EPHA10: variants seen among roughly 807,000 people sequenced by gnomAD.
The protein encoded by EPHA10 is EPH receptor A10.
EPHA10 carries 120 observed loss-of-function variants against 109.7 expected under a neutral mutation model. The ratio of observed to expected loss-of-function variants is 1.09; its 90% confidence interval spans 0.94 to 1.27. EPHA10 has a LOEUF of 1.27. Among genes scored for constraint, EPHA10 ranks in the 50% most tolerant of loss-of-function variants. EPHA10 has a pLI of 0.00. For synonymous variants in EPHA10, 640 were observed against 618.9 expected, an observed-to-expected ratio of 1.03 and a Z score of -0.51; for missense variants, 1,396 against 1,411.1, an observed-to-expected ratio of 0.99 and a Z score of 0.17.
intron 5 of EPHA10, among the ~76,000 whole-genome samples, chr1:37,748,452 G>A (rs1199994086): frequency 6.6e-6 from 1 of 152,178 alleles, no homozygotes; most frequent in Non-Finnish European, 1.5e-5. Context: ...CAAAGAATAT[G>A]TAAATGTGTT....
chr1:37,758,629 C>A (rs1332082596), intron 3 of EPHA10, among the ~76,000 whole-genome samples: 6 of 152,158 alleles, frequency 3.9e-5, no homozygotes, highest in Non-Finnish European at 7.3e-5. Context: ...ATACTCTGAT[C>A]ACTCCCTCTC....
At chr1:37,739,997 G>C (rs1646128920) in intron 5 of EPHA10, among the ~76,000 whole-genome samples, 1 of 152,024 alleles carries the variant, frequency 6.6e-6, no homozygotes, top group Non-Finnish European at 1.5e-5. Context: ...GGGAGGCTGA[G>C]ACAGGAGGCT....
intron 5 of EPHA10, among the ~76,000 whole-genome samples, chr1:37,750,817 AC>A (rs1472930891): frequency 6.6e-6 from 1 of 152,048 alleles, no homozygotes. Flanking sequence ...AAGTGCTCAG[AC>A]TAAGGGCATG....
At chr1:37,723,937 C>A (rs541041021) in intron 8 of EPHA10, among the ~76,000 whole-genome samples, 1 of 152,232 alleles carries the variant, frequency 6.6e-6, no homozygotes, top group East Asian at 1.9e-4. Context: ...AGCCACAGGC[C>A]GGTACTTGGG....
rs752904524 is a variant in EPHA10 at position 37,719,931 on chromosome 1, T to A, written c.2540A>T (p.Tyr847Phe). The A allele has an allele frequency of 6.2e-7, 1 of 1,613,954 alleles. No individual in the cohort carries two copies. The highest frequency in any genetic ancestry group is 8.5e-7 in the Non-Finnish European group (1 of 1,180,006). ...WEVMAFGERP[Y>F]WDMSGQDVIK... ...CACGTCTTGGCCAGACATGTCCCAG[T>A]AAGGCCGCTCCCCAAAGGCCATCAC... is the stretch of plus-strand genomic sequence containing the variant. The change falls in exon 14 of 17, where the codon TAC (tyrosine) becomes TTC (phenylalanine). Residue 847 changes from tyrosine to phenylalanine, a missense_variant. Tyr to Phe is a conservative substitution (Grantham distance 22). Coordinates refer to ENST00000373048, the MANE Select transcript of EPHA10 (RefSeq NM_001099439.2).
At chr1:37,746,101 CT>C (rs111763214) in intron 5 of EPHA10, among the ~76,000 whole-genome samples, 86 of 127,410 alleles carry the variant, frequency 6.7e-4, no homozygotes, top group Non-Finnish European at 7.0e-4. Flanking sequence ...CTTTTCTTTT[CT>C]TTTTTTTTTT....
rs1645782374 is a variant in EPHA10 at position 37,720,904 on chromosome 1, A to C, written c.2147-60T>G. ...GTCCACTCCACTCCGCACGCACACAAGTTTCCCCCCCAGGGTCCCAGACTG... is the reference window on the plus strand; with the variant it reads ...GTCCACTCCACTCCGCACGCACACACGTTTCCCCCCCAGGGTCCCAGACTG... On this transcript the variant is annotated intron_variant, in intron 11 of 16. Transcript: ENST00000373048. 6 of 1,570,732 alleles carry C rather than the reference A, an allele frequency of 3.8e-6. No individual in the cohort carries two copies. In the Admixed American group the frequency reaches 1.0e-4, roughly 26 times the overall value.
Position 37,718,040 on chromosome 1 carries a change from C to A in EPHA10, c.*332G>T. ...GGTACAAATGGCAGTAGGGCATGAGCCAGGGCAATCTCAACCCACTGTCTT... is the reference window on the plus strand; with the variant it reads ...GGTACAAATGGCAGTAGGGCATGAGACAGGGCAATCTCAACCCACTGTCTT... On this transcript the variant is annotated 3_prime_UTR_variant, in exon 17 of 17. Transcript: ENST00000373048. The A allele has an allele frequency of 2.7e-6, 1 of 372,304 alleles. No homozygotes were observed. The highest frequency in any genetic ancestry group is 4.9e-6 in the Non-Finnish European group (1 of 205,744). 23.1% of individuals were successfully genotyped at this position (372,304 alleles called of 1,614,324 possible).
chr1:37,721,223 T>C (rs1645789124), intron 11 of EPHA10, among the ~76,000 whole-genome samples: 1 of 144,490 alleles, frequency 6.9e-6, no homozygotes, highest in Non-Finnish European at 1.5e-5. Context: ...ATCAAGACCA[T>C]CCTGGCTAAC....
intron 3 of EPHA10, among the ~76,000 whole-genome samples, chr1:37,758,084 A>T (rs1646404376): frequency 6.6e-6 from 1 of 152,236 alleles, no homozygotes; most frequent in Non-Finnish European, 1.5e-5. Flanking sequence ...AGCAGTAAAA[A>T]GTGGCCCATT....
chr1:37,719,719 CACACAG>C (rs1158670239), intron 14 of EPHA10, 112 bp from the exon 15 acceptor site: 3 of 1,416,610 alleles, frequency 2.1e-6, no homozygotes, highest in African/African-American at 2.8e-5. Flanking sequence ...CACATGCGCA[CACACAG>C]ACACAGACAC....
intron 10 of EPHA10, chr1:37,722,268 C>A: frequency 4.1e-6 from 1 of 246,772 alleles, no homozygotes; most frequent in South Asian, 4.5e-5. Context: ...TTCCTCTCTG[C>A]CTTCCTCAGT....
chr1:37,723,835 G>A (rs1473105925), intron 8 of EPHA10, among the ~76,000 whole-genome samples: 2 of 152,250 alleles, frequency 1.3e-5, no homozygotes, highest in East Asian at 1.9e-4. Context: ...TGGGACACGG[G>A]ACAGACAGGC....
At chr1:37,746,169 C>T (rs1371716480) in intron 5 of EPHA10, among the ~76,000 whole-genome samples, 2 of 149,744 alleles carry the variant, frequency 1.3e-5, no homozygotes, top group East Asian at 2.0e-4. Context: ...GGCACGACCT[C>T]GGTTTACCGC....
At chr1:37,747,671 G>A (rs1450333046) in intron 5 of EPHA10, among the ~76,000 whole-genome samples, 1 of 152,108 alleles carries the variant, frequency 6.6e-6, no homozygotes, top group East Asian at 1.9e-4. Flanking sequence ...GGGAGGCTGA[G>A]GCAGCAGAAT....
At chr1:37,722,230 T>C in intron 10 of EPHA10, 1 of 235,886 alleles carries the variant, frequency 4.2e-6, no homozygotes, top group South Asian at 4.9e-5. Flanking sequence ...TTTCCTTTTC[T>C]TGGCCTGTCT....
In EPHA10 at chr1:37,761,730, T is replaced by C; in HGVS notation, c.525A>G (p.Thr175=). ...DLGERKMKLN[T]EVREIGPLSR... is the part of the protein sequence containing the mutation. Reference sequence around the variant, plus strand: ...TGAGCGGTCCGATCTCGCGCACCTCTGTGTTCAGCTTCATCTTGCGCTCAC... The same window carrying C: ...TGAGCGGTCCGATCTCGCGCACCTCCGTGTTCAGCTTCATCTTGCGCTCAC... The change falls in exon 3 of 17, where the codon ACA becomes ACG. Residue 175 remains threonine (T), a synonymous_variant. Transcript: ENST00000373048. 1 of 1,613,680 alleles carries C rather than the reference T, an allele frequency of 6.2e-7. No homozygotes were observed. Among genetic ancestry groups the C allele is most frequent in the Non-Finnish European group, 8.5e-7 (1 of 1,179,886 alleles).
chr1:37,758,896 T>C (rs1360965310), intron 3 of EPHA10, among the ~76,000 whole-genome samples: 3 of 152,204 alleles, frequency 2.0e-5, no homozygotes. Flanking sequence ...GAATGATCCC[T>C]CTGTCCATTC....
chr1:37,717,809 C>A lies in EPHA10; in HGVS notation c.*563G>T, dbSNP rs1413936994. ...TCAGCACCATCTTTGCCTGCCTGAGCCTTGGCCAGTGTCCAGTCAGCCCCT... is the reference window on the plus strand; with the variant it reads ...TCAGCACCATCTTTGCCTGCCTGAGACTTGGCCAGTGTCCAGTCAGCCCCT... On this transcript the variant is annotated 3_prime_UTR_variant, in exon 17 of 17. Transcript: ENST00000373048. 6 of 233,658 alleles carry A rather than the reference C, an allele frequency of 2.6e-5. No homozygotes were observed. The highest frequency in any genetic ancestry group is 5.4e-5 in the Admixed American group (1 of 18,428). The allele number at this position is 233,658 out of a possible 1,614,324, so 14.5% of individuals were successfully genotyped here.
Sources: gnomAD v4.1 joint callset for allele counts (sites outside exome capture counted in the v4.1 genomes callset) on GRCh38, gnomAD v4.1.1 for gene constraint, MANE v1.5 for transcripts, NCBI Gene and HGNC (gene_info 2026-07-23, HGNC 2026-07-21) for gene names.